TTC14: variants seen among roughly 807,000 people sequenced by gnomAD.
TTC14 encodes the protein tetratricopeptide repeat protein 14.
In TTC14, 63 loss-of-function variants were observed where a neutral mutation model predicts 79.9. That is an observed-to-expected ratio of 0.79 (90% CI 0.64 to 0.97). TTC14 has a LOEUF of 0.97. TTC14 is among the 50% of genes least tolerant of loss of function. The pLI, the probability that TTC14 is intolerant of heterozygous loss-of-function variation, is 0.00. For missense variants in TTC14, 895 were observed against 894.0 expected (o/e 1.00, Z -0.01); for synonymous variants, 335 against 309.6 (o/e 1.08, Z -0.86).
downstream of TTC14, among the ~76,000 whole-genome samples, chr3:180,615,966 G>A (rs1257198924): frequency 1.3e-5 from 2 of 152,126 alleles, no homozygotes; most frequent in Non-Finnish European, 2.9e-5. Flanking sequence ...CAACTTGGGG[G>A]TTCACCCCCA....
chr3:180,604,134 G>T, intron 3 of TTC14, 91 bp from the exon 4 acceptor site: 2 of 1,076,860 alleles, frequency 1.9e-6, no homozygotes, highest in Non-Finnish European at 2.8e-6. Context: ...TCAACTACTA[G>T]CTGTTTCATA....
Position 180,610,643 on chromosome 3 carries a change from T to G in TTC14, c.*101T>G. 1 of 1,477,928 alleles carries G rather than the reference T, an allele frequency of 6.8e-7. No individual in the cohort carries two copies. Among genetic ancestry groups the G allele is most frequent in the Non-Finnish European group, 8.9e-7 (1 of 1,119,732 alleles). The allele number at this position is 1,477,928 out of a possible 1,614,324, so 91.6% of individuals were successfully genotyped here. Reference sequence around the variant, plus strand: ...AGTGCAGAAATCTCTGCTTCTAAAATTATTTGTAGAGATTACAGGAAACAA... The same window carrying G: ...AGTGCAGAAATCTCTGCTTCTAAAAGTATTTGTAGAGATTACAGGAAACAA... On this transcript the variant is annotated 3_prime_UTR_variant, in exon 12 of 12. Coordinates refer to ENST00000296015, the MANE Select transcript of TTC14 (RefSeq NM_133462.4).
In TTC14 at chr3:180,609,923, A is replaced by T. The variant is rs1316991386; in HGVS notation, c.1694A>T (p.Gln565Leu). The change falls in exon 12 of 12, where the codon CAG (glutamine) becomes CTG (leucine). Residue 565 changes from glutamine to leucine, a missense_variant. Gln to Leu is a moderately radical substitution (Grantham distance 113). Coordinates refer to ENST00000296015, the MANE Select transcript of TTC14 (RefSeq NM_133462.4). ...EKLLGKQDRL[Q>L]YEKTQIKEKD... is the part of the protein sequence containing the mutation. Reference sequence around the variant, plus strand: ...CTACTGGGGAAGCAGGATAGGTTACAGTATGAAAAGACACAGATAAAAGAG... The same window carrying T: ...CTACTGGGGAAGCAGGATAGGTTACTGTATGAAAAGACACAGATAAAAGAG... The T allele has an allele frequency of 1.2e-6, 2 of 1,614,110 alleles. No individual in the cohort carries two copies. The highest frequency in any genetic ancestry group is 1.7e-6 in the Non-Finnish European group (2 of 1,179,956).
intron 11 of TTC14, chr3:180,609,242 T>TCCCCCCC: frequency 3.3e-6 from 2 of 606,942 alleles, no homozygotes; most frequent in Non-Finnish European, 4.2e-6. Flanking sequence ...ACAGGTCAGC[T>TCCCCCCC]CCCACCCGCA....
intron 2 of TTC14, 23 bp downstream of exon 2, chr3:180,603,038 T>C (rs1422496447): frequency 1.2e-6 from 2 of 1,609,938 alleles, no homozygotes; most frequent in East Asian, 2.2e-5. Context: ...TTAAAATCTT[T>C]AAGATTGCGG....
Position 180,602,328 on chromosome 3 carries a change from A to G in TTC14, c.67A>G (p.Ser23Gly). The G allele has an allele frequency of 6.2e-7, 1 of 1,613,602 alleles. No individual in the cohort carries two copies. The highest frequency in any genetic ancestry group is 1.1e-5 in the South Asian group (1 of 91,072). The change falls in exon 1 of 12, where the codon AGC becomes GGC. Residue 23 changes from serine (S) to glycine (G), a missense_variant. Transcript: ENST00000296015. ...GTCGTCTTTGCTCTCTCTACTTCGG[A>G]GCGAACAGCAGGACAATCCACACTT... ...HGSSLLSLLRSEQQDNPHFRS... is the reference protein window; with the variant it reads ...HGSSLLSLLRGEQQDNPHFRS...
chr3:180,609,859 TCAGC>T lies in TTC14; in HGVS notation c.1631_1634del (p.Ser544TyrfsTer27). The stretch of plus-strand genomic sequence containing the variant: ...GTGCTACCCAGTTCCAGCTAATACT[TCAGC>T]ATCTTTTCTTAACCATAAACAAGAA... On this transcript the variant is annotated frameshift_variant, in exon 12 of 12. Coordinates refer to ENST00000296015, the MANE Select transcript of TTC14 (RefSeq NM_133462.4). LOFTEE classifies it high-confidence loss of function. 1 of 1,613,700 alleles carries T rather than the reference TCAGC, an allele frequency of 6.2e-7. No individual in the cohort carries two copies. Among genetic ancestry groups the T allele is most frequent in the Non-Finnish European group, 8.5e-7 (1 of 1,179,870 alleles).
In TTC14 at chr3:180,607,751, C is replaced by T; in HGVS notation, c.1276C>T (p.His426Tyr). 1 of 1,611,146 alleles carries T rather than the reference C, an allele frequency of 6.2e-7. No homozygotes were observed. The highest frequency in any genetic ancestry group is 2.2e-5 in the East Asian group (1 of 44,652). Residue 426 changes from histidine to tyrosine, a missense_variant, in exon 10 of 12, where the codon CAT (histidine) becomes TAT (tyrosine). His to Tyr is a moderately conservative substitution (Grantham distance 83). Transcript: ENST00000296015. ...TGCAGAGGATGCTTTGCAGAAACTT[C>T]ATAAATATATGCAGGTGATTCCTTA... ...KDAEDALQKL[H>Y]KYMQKSLELR...
intron 2 of TTC14, 37 bp downstream of exon 2, chr3:180,603,052 G>A (rs373638576): frequency 6.2e-7 from 1 of 1,609,882 alleles, no homozygotes; most frequent in South Asian, 1.1e-5. Context: ...ATTGCGGTTC[G>A]GTTTAACAGT....
chr3:180,602,382 C>G lies in TTC14; in HGVS notation c.121C>G (p.Pro41Ala). ...FRSLLGSAAE[P>A]ARGPPPQHPL... The stretch of plus-strand genomic sequence containing the variant: ...TAGCCTCCTGGGGTCGGCCGCCGAG[C>G]CAGCCCGGGGCCCGCCGCCCCAGCA... Residue 41 changes from proline to alanine, a missense_variant, in exon 1 of 12, where the codon CCA (proline) becomes GCA (alanine). Pro to Ala is a conservative substitution (Grantham distance 27). Transcript: ENST00000296015. The G allele has an allele frequency of 1.2e-6, 2 of 1,610,422 alleles. No individual in the cohort carries two copies. The highest frequency in any genetic ancestry group is 1.7e-6 in the Non-Finnish European group (2 of 1,179,524).
Position 180,603,193 on chromosome 3 carries a change from T to C in TTC14, c.356T>C (p.Phe119Ser). 1.2e-6 allele frequency: 2 copies of C among 1,614,152 alleles called. No homozygotes were observed. The highest frequency in any genetic ancestry group is 1.7e-6 in the Non-Finnish European group (2 of 1,180,018). The change falls in exon 3 of 12, where the codon TTT becomes TCT. Residue 119 changes from phenylalanine (F) to serine (S), a missense_variant. Phe to Ser is a radical substitution (Grantham distance 155). Coordinates refer to ENST00000296015, the MANE Select transcript of TTC14 (RefSeq NM_133462.4). Reference protein sequence around the residue: ...EIPSMDRRELFFRDIERGDIV... With the variant: ...EIPSMDRRELSFRDIERGDIV... ...CCTAGTATGGATCGGAGAGAGCTGT[T>C]TTTCCGAGATATTGAGCGTGGTGAT...
downstream of TTC14, among the ~76,000 whole-genome samples, chr3:180,612,948 GAA>G (rs1411184087): frequency 4.6e-5 from 7 of 152,228 alleles, no homozygotes; most frequent in South Asian, 2.1e-4. Flanking sequence ...TTTTTCAAAA[GAA>G]GAGATAAAAA....
chr3:180,609,319 A>T (rs1716861282), intron 11 of TTC14: 1 of 1,046,940 alleles, frequency 9.6e-7, no homozygotes, highest in Non-Finnish European at 1.1e-6. Flanking sequence ...ACCATGAACT[A>T]GAGGTAGCCA....
rs1560073927 is a variant in TTC14, at chr3:180,607,629, A to G, written c.1173-19A>G. ...TTTGTTGTTTTTACAAAAAAGCTAA[A>G]TCTTTCTTTCAAATTTAGGTTAGAA... is the stretch of plus-strand genomic sequence containing the variant. On this transcript the variant is annotated intron_variant, in intron 9 of 11. Coordinates refer to ENST00000296015, the MANE Select transcript of TTC14 (RefSeq NM_133462.4). 1.9e-6 allele frequency: 3 copies of G among 1,594,202 alleles called. No individual in the cohort carries two copies. The highest frequency in any genetic ancestry group is 2.3e-5 in the South Asian group (2 of 87,592).
rs1716568458 is a variant in TTC14, at chr3:180,604,545, A to T, written c.639A>T (p.Pro213=). The T allele has an allele frequency of 6.2e-7, 1 of 1,611,174 alleles. No homozygotes were observed. Among genetic ancestry groups the T allele is most frequent in the Admixed American group, 1.7e-5 (1 of 59,872 alleles). Reference sequence around the variant, plus strand: ...TATCTCTGTATAGCTCTTCTCTTCCACCACACCTATCTGGTATTAAATTAG... The same window carrying T: ...TATCTCTGTATAGCTCTTCTCTTCCTCCACACCTATCTGGTATTAAATTAG... ...LAVSLYSSSL[P]PHLSGIKLGV... is the part of the protein sequence containing the mutation. The change falls in exon 5 of 12, where the codon CCA becomes CCT. Residue 213 remains proline, a synonymous_variant. Coordinates refer to ENST00000296015, the MANE Select transcript of TTC14 (RefSeq NM_133462.4).
intron 12 of TTC14, chr3:180,616,494 T>G (rs767886116): frequency 6.6e-7 from 1 of 1,513,226 alleles, no homozygotes; most frequent in Admixed American, 2.3e-5. Flanking sequence ...TAAGAAATAT[T>G]TAATAGAAGG....
At chr3:180,615,203 G>A (rs6807767), downstream of TTC14, 31,206 of 630,926 alleles carry the variant, frequency 0.049, 1,349 homozygotes, top group African/African-American at 0.17. Flanking sequence ...TATTAATAGT[G>A]TTAAGTTTTT....
chr3:180,614,731 A>C (rs1158165006), downstream of TTC14: 1 of 513,236 alleles, frequency 1.9e-6, no homozygotes, highest in Admixed American at 3.9e-5. Context: ...AGAATCTGCT[A>C]TTAATTTCTT....
chr3:180,609,805 A>G lies in TTC14; in HGVS notation c.1576A>G (p.Asn526Asp). Residue 526 changes from asparagine to aspartate, a missense_variant, in exon 12 of 12, where the codon AAT (asparagine) becomes GAT (aspartate). Asn to Asp is a conservative substitution (Grantham distance 23). Coordinates refer to ENST00000296015, the MANE Select transcript of TTC14 (RefSeq NM_133462.4). ...SRRHSSRASS[N>D]QIDQNRKDEC... ...AAGGCATTCATCTAGGGCATCCTCA[A>G]ATCAGATAGATCAGAATAGGAAAGA... 6.2e-7 allele frequency: 1 copy of G among 1,613,878 alleles called. No individual in the cohort carries two copies. Among genetic ancestry groups the G allele is most frequent in the Non-Finnish European group, 8.5e-7 (1 of 1,179,914 alleles).
Sources: allele counts gnomAD v4.1 joint callset (sites outside exome capture counted in the v4.1 genomes callset), GRCh38; gene constraint gnomAD v4.1.1; transcripts MANE v1.5; gene names NCBI Gene and HGNC (gene_info 2026-07-23, HGNC 2026-07-21).